Variants in AGPS observed in about 807,000 individuals in gnomAD.
AGPS encodes the protein alkylglycerone phosphate synthase, also known as alkyldihydroxyacetonephosphate synthase, peroxisomal.
Under a neutral mutation model 90.7 loss-of-function variants are expected in AGPS, and 26 were observed. The observed-to-expected ratio is 0.29, with a 90% CI of 0.21 to 0.40. The LOEUF (loss-of-function observed/expected upper bound fraction) is 0.40, where lower values mean the gene tolerates loss of function less well. Among genes scored for constraint, AGPS ranks in the 10% least tolerant of loss-of-function variants. The pLI, the probability that AGPS is intolerant of heterozygous loss-of-function variation, is 1.00. For missense variants in AGPS, 540 were observed against 816.1 expected (o/e 0.66, Z 4.12); for synonymous variants, 294 against 285.3 (o/e 1.03, Z -0.31).
chr2:177,429,422 T>C (rs533680496), intron 2 of AGPS, among the ~76,000 whole-genome samples: 2 of 152,224 alleles, frequency 1.3e-5, no homozygotes, highest in Non-Finnish European at 2.9e-5. Flanking sequence ...TATTTTTGCA[T>C]TGATTCTTTC....
chr2:177,520,240 C>T (rs185576323), intron 17 of AGPS, among the ~76,000 whole-genome samples: 1 of 152,204 alleles, frequency 6.6e-6, no homozygotes, highest in African/African-American at 2.4e-5. Context: ...AGGTAGGTTT[C>T]AGCCTCATTT....
intron 3 of AGPS, 44 bp downstream of exon 3, chr2:177,434,461 T>A (rs1436618587): frequency 7.2e-7 from 1 of 1,386,932 alleles, no homozygotes; most frequent in African/African-American, 1.4e-5. Context: ...ACTGTGTTTT[T>A]AAAACCCAAA....
intron 2 of AGPS, among the ~76,000 whole-genome samples, chr2:177,430,724 A>C (rs1276559403): frequency 6.6e-6 from 1 of 152,032 alleles, no homozygotes; most frequent in Non-Finnish European, 1.5e-5. Context: ...TTTTAGTTGA[A>C]GGTGCTGAAT....
intron 19 of AGPS, among the ~76,000 whole-genome samples, chr2:177,532,091 A>C (rs2079143379): frequency 6.6e-6 from 1 of 152,178 alleles, no homozygotes. Flanking sequence ...CCGGACACTA[A>C]AAGTACAATT....
At chr2:177,474,984 T>A (rs1201843036) in intron 10 of AGPS, among the ~76,000 whole-genome samples, 4 of 152,202 alleles carry the variant, frequency 2.6e-5, no homozygotes, top group African/African-American at 9.6e-5. Context: ...CTGGTTAAAG[T>A]CAGGGTTTAT....
At position 177,434,269 on chromosome 2, in the gene AGPS, G is replaced by A. The variant is rs143730371; in HGVS notation, c.351-58G>A. The stretch of plus-strand genomic sequence containing the variant: ...GACCATCACTGGAAGCAGAATTTAA[G>A]CTTTAAATTTAAATGAAGATACTTT... On this transcript the variant is annotated intron_variant, in intron 2 of 19. Coordinates refer to ENST00000264167, the MANE Select transcript of AGPS (RefSeq NM_003659.4). The A allele has an allele frequency of 2.1e-4, 270 of 1,271,006 alleles. 2 individuals carry two copies. In the African/African-American group the frequency reaches 3.5e-3, roughly 17 times the overall value. The allele number at this position is 1,271,006 out of a possible 1,614,324, so 78.7% of individuals were successfully genotyped here. A position where few individuals can be genotyped will look rare whatever the true frequency, so the allele number is the denominator to read the frequency against.
intron 11 of AGPS, among the ~76,000 whole-genome samples, chr2:177,484,825 C>T (rs1247220593): frequency 6.6e-6 from 1 of 152,166 alleles, no homozygotes; most frequent in African/African-American, 2.4e-5. Context: ...TGCAGTGGCA[C>T]AATCACAGCT....
chr2:177,456,680 A>G (rs1687120220), intron 8 of AGPS, among the ~76,000 whole-genome samples: 1 of 152,182 alleles, frequency 6.6e-6, no homozygotes, highest in Admixed American at 6.5e-5. Flanking sequence ...AAGATAATGA[A>G]GTAACCTACC....
At chr2:177,396,213 C>T (rs1319483723) in intron 1 of AGPS, among the ~76,000 whole-genome samples, 1 of 152,076 alleles carries the variant, frequency 6.6e-6, no homozygotes, top group East Asian at 1.9e-4. Context: ...AAGTGCATAT[C>T]GTATTTACAT....
intron 9 of AGPS, among the ~76,000 whole-genome samples, chr2:177,466,793 C>A: frequency 6.6e-6 from 1 of 152,162 alleles, no homozygotes. Context: ...GCAGACACTT[C>A]CGAGCCTGCA....
intron 12 of AGPS, among the ~76,000 whole-genome samples, chr2:177,497,192 T>C (rs1355325922): frequency 6.6e-6 from 1 of 152,040 alleles, no homozygotes; most frequent in Non-Finnish European, 1.5e-5. Flanking sequence ...AAGCAATTGC[T>C]AGTTTTATGC....
At chr2:177,465,213 G>C (rs1176417177) in intron 9 of AGPS, among the ~76,000 whole-genome samples, 1 of 152,184 alleles carries the variant, frequency 6.6e-6, no homozygotes, top group Non-Finnish European at 1.5e-5. Context: ...ATAACTGCTT[G>C]AGCCCAGGAG....
chr2:177,488,081 T>C (rs1688146907), intron 11 of AGPS, among the ~76,000 whole-genome samples: 1 of 152,198 alleles, frequency 6.6e-6, no homozygotes, highest in Non-Finnish European at 1.5e-5. Flanking sequence ...ACTGTAGCCT[T>C]AAATAGTCTA....
chr2:177,431,250 G>A (rs1686234024), intron 2 of AGPS, among the ~76,000 whole-genome samples: 1 of 152,052 alleles, frequency 6.6e-6, no homozygotes, highest in African/African-American at 2.4e-5. Context: ...AAAAGGGGAG[G>A]GGGTGTACAA....
Position 177,541,909 on chromosome 2 carries a change from T to C in AGPS, c.*3714T>C, listed in dbSNP as rs1036057335. On this transcript the variant is annotated 3_prime_UTR_variant, in exon 20 of 20. Transcript: ENST00000264167. ...AAAATATAGTGTCTGATATAAAGGATGTAAGTTACTCAGCTTTCTGCTCCC... is the reference window on the plus strand; with the variant it reads ...AAAATATAGTGTCTGATATAAAGGACGTAAGTTACTCAGCTTTCTGCTCCC... 6.6e-6 allele frequency: 1 copy of C among 152,334 alleles called. No individual in the cohort carries two copies. The highest frequency in any genetic ancestry group is 2.1e-4 in the South Asian group (1 of 4,834). The allele number at this position is 152,334 out of a possible 1,614,324, so 9.4% of individuals were successfully genotyped here.
At chr2:177,480,381 G>A (rs953589106) in intron 10 of AGPS, among the ~76,000 whole-genome samples, 3 of 152,120 alleles carry the variant, frequency 2.0e-5, no homozygotes, top group Non-Finnish European at 4.4e-5. Flanking sequence ...TATACACCAT[G>A]GAATACTATG....
intron 2 of AGPS, among the ~76,000 whole-genome samples, chr2:177,431,558 CAG>C (rs1686245639): frequency 6.6e-6 from 1 of 152,128 alleles, no homozygotes; most frequent in African/African-American, 2.4e-5. Context: ...CTGCATGAGA[CAG>C]ACACTTCCAG....
chr2:177,496,021 A>G (rs539641173), intron 12 of AGPS, among the ~76,000 whole-genome samples: 5 of 152,142 alleles, frequency 3.3e-5, no homozygotes, highest in South Asian at 2.1e-4. Context: ...AGATAATATT[A>G]TCTAGTTGAT....
At chr2:177,480,280 A>C (rs1687905022) in intron 10 of AGPS, among the ~76,000 whole-genome samples, 1 of 152,236 alleles carries the variant, frequency 6.6e-6, no homozygotes, top group Non-Finnish European at 1.5e-5. Context: ...ATGCACACGT[A>C]TGTTTAGTGC....
Sources: allele counts gnomAD v4.1 joint callset (sites outside exome capture counted in the v4.1 genomes callset), GRCh38; gene constraint gnomAD v4.1.1; transcripts MANE v1.5; gene names NCBI Gene and HGNC (gene_info 2026-07-23, HGNC 2026-07-21).